Variants in GALNT13 observed in about 807,000 individuals in gnomAD.
GALNT13 encodes UDP-GalNAc:polypeptide N-acetylgalactosaminyltransferase 13.
A neutral mutation model predicts 64.2 loss-of-function variants in GALNT13; 28 were observed. The observed-to-expected ratio is 0.44, with a 90% CI of 0.32 to 0.60. The LOEUF is 0.60. Among genes scored for constraint, GALNT13 ranks in the 20% least tolerant of loss-of-function variants. The probability of loss-of-function intolerance (pLI) is 0.05; values close to 1 mark genes in which losing one functional copy is unlikely to be tolerated. For missense variants in GALNT13, 577 were observed against 669.8 expected, an observed-to-expected ratio of 0.86 and a Z score of 1.53; for synonymous variants, 214 against 224.6, an observed-to-expected ratio of 0.95 and a Z score of 0.42.
intron 4 of GALNT13, among the ~76,000 whole-genome samples, chr2:154,206,248 G>A (rs865807844): frequency 1.1e-3 from 172 of 151,760 alleles, no homozygotes; most frequent in Middle Eastern, 3.4e-3. Context: ...TGATCCGCCC[G>A]CCTCGGCCTC....
intron 3 of GALNT13, among the ~76,000 whole-genome samples, chr2:154,030,542 A>G (rs1360018201): frequency 3.9e-5 from 6 of 152,132 alleles, no homozygotes. Flanking sequence ...GGGATATGGA[A>G]TGTAATACCA....
At chr2:153,858,566 G>A in the GALNT13 span, among the ~76,000 whole-genome samples, 4 of 151,978 alleles carry the variant, frequency 2.6e-5, no homozygotes, top group Non-Finnish European at 4.4e-5. Flanking sequence ...GAGAGAGAGA[G>A]ATCATATTTA....
the GALNT13 span, among the ~76,000 whole-genome samples, chr2:153,329,918 TATGA>T: frequency 4.6e-5 from 7 of 152,232 alleles, no homozygotes; most frequent in African/African-American, 1.7e-4. Context: ...AGGTCTTACG[TATGA>T]ATGTTTAATT....
intron 3 of GALNT13, among the ~76,000 whole-genome samples, chr2:154,091,889 A>G (rs1053177927): frequency 1.1e-4 from 16 of 151,880 alleles, no homozygotes; most frequent in Non-Finnish European, 1.2e-4. Flanking sequence ...GGTAGACTCT[A>G]TAGTCAAAAA....
chr2:153,918,477 A>G (rs529490027), intron 2 of GALNT13, among the ~76,000 whole-genome samples: 1 of 152,190 alleles, frequency 6.6e-6, no homozygotes, highest in South Asian at 2.1e-4. Flanking sequence ...CCTATGCTCT[A>G]ACCCACCACC....
chr2:153,952,350 T>C (rs1692254370), intron 3 of GALNT13, among the ~76,000 whole-genome samples: 1 of 152,184 alleles, frequency 6.6e-6, no homozygotes. Context: ...TCAGTTGTAA[T>C]ATGTAATATG....
At chr2:153,171,022 A>C in the GALNT13 span, among the ~76,000 whole-genome samples, 1 of 152,228 alleles carries the variant, frequency 6.6e-6, no homozygotes, top group Non-Finnish European at 1.5e-5. Context: ...TTGTCTACTC[A>C]GTAACAGTAA....
At chr2:154,016,784 T>C (rs1405371634) in intron 3 of GALNT13, among the ~76,000 whole-genome samples, 1 of 152,196 alleles carries the variant, frequency 6.6e-6, no homozygotes, top group Non-Finnish European at 1.5e-5. Flanking sequence ...ACTAGAAAAC[T>C]GAACAACAAT....
At chr2:153,075,321 A>G in the GALNT13 span, among the ~76,000 whole-genome samples, 1 of 152,168 alleles carries the variant, frequency 6.6e-6, no homozygotes, top group East Asian at 1.9e-4. Context: ...AGTTTTTTAA[A>G]AAGATAAAAT....
At position 154,291,990 on chromosome 2, in the gene GALNT13, T is replaced by C. The variant is rs552074132; in HGVS notation, c.976-9419T>C. ...CTGTAAAGACTGCAAAAGTTGGCACTTTATGTGTCGTACAAGCAAGCCCCT... is the reference window on the plus strand; with the variant it reads ...CTGTAAAGACTGCAAAAGTTGGCACCTTATGTGTCGTACAAGCAAGCCCCT... On this transcript the variant is annotated intron_variant, in intron 8 of 12. Coordinates refer to ENST00000392825, the MANE Select transcript of GALNT13 (RefSeq NM_052917.4). Among the ~76,000 whole-genome samples the C allele has an allele frequency of 4.6e-5, 7 of 152,348 alleles. 1 individual carries two copies. The South Asian group carries it at 1.0e-3, about 23-fold the overall frequency.
intron 1 of GALNT13, among the ~76,000 whole-genome samples, chr2:153,874,635 G>A (rs1407196712): frequency 6.6e-6 from 1 of 152,038 alleles, no homozygotes; most frequent in Non-Finnish European, 1.5e-5. Context: ...AGCATGCAGC[G>A]GATCATAGGC....
At chr2:153,854,738 C>T in the GALNT13 span, among the ~76,000 whole-genome samples, 1 of 152,100 alleles carries the variant, frequency 6.6e-6, no homozygotes, top group African/African-American at 2.4e-5. Flanking sequence ...GATATCAACT[C>T]TCCACAAATT....
chr2:154,371,774 G>T (rs200671169), intron 9 of GALNT13, among the ~76,000 whole-genome samples: 71,809 of 147,398 alleles, frequency 0.49, 18,002 homozygotes, highest in Admixed American at 0.59. Context: ...TTTTGTGTGT[G>T]TGTGCTTTAA....
the GALNT13 span, among the ~76,000 whole-genome samples, chr2:153,273,240 C>G: frequency 6.6e-6 from 1 of 152,126 alleles, no homozygotes; most frequent in African/African-American, 2.4e-5. Context: ...AACAAACCTG[C>G]ACGTTCTGCA....
the GALNT13 span, among the ~76,000 whole-genome samples, chr2:153,628,191 A>G: frequency 0.011 from 1,655 of 151,826 alleles, 28 homozygotes; most frequent in African/African-American, 0.037. Flanking sequence ...TTGTACATTG[A>G]TTTTGTATCC....
At chr2:153,538,326 C>CTTTT in the GALNT13 span, among the ~76,000 whole-genome samples, 5 of 100,846 alleles carry the variant, frequency 5.0e-5, no homozygotes, top group Admixed American at 4.7e-4. Flanking sequence ...TTTTTTAATT[C>CTTTT]TTTTTTTTTT....
the GALNT13 span, among the ~76,000 whole-genome samples, chr2:153,784,356 C>G: frequency 2.6e-5 from 4 of 152,260 alleles, no homozygotes; most frequent in South Asian, 2.1e-4. Flanking sequence ...ATCTGTGGAA[C>G]TTTGAACTTG....
chr2:153,742,453 G>T, the GALNT13 span, among the ~76,000 whole-genome samples: 1,466 of 151,998 alleles, frequency 9.6e-3, 21 homozygotes, highest in African/African-American at 0.032. Context: ...ACATATGCAG[G>T]CTTGTTACAT....
the GALNT13 span, among the ~76,000 whole-genome samples, chr2:153,831,253 T>C: frequency 6.6e-6 from 1 of 151,950 alleles, no homozygotes; most frequent in East Asian, 1.9e-4. Context: ...AATCCACTTA[T>C]ATCTATTAAT....
Sources: gnomAD v4.1 joint callset for allele counts (sites outside exome capture counted in the v4.1 genomes callset) on GRCh38, gnomAD v4.1.1 for gene constraint, MANE v1.5 for transcripts, NCBI Gene and HGNC (gene_info 2026-07-23, HGNC 2026-07-21) for gene names.